Variants in ZMYND8 observed in about 807,000 individuals in gnomAD.
ZMYND8 encodes the protein MYND-type zinc finger-containing chromatin reader ZMYND8.
ZMYND8 carries 37 observed loss-of-function variants against 140.8 expected under a neutral mutation model. That is an observed-to-expected ratio of 0.26 (90% CI 0.20 to 0.35). The LOEUF is 0.35. Ranked by LOEUF, ZMYND8 falls within the 10% of genes least tolerant of loss-of-function variation. The pLI is 1.00. For missense variants in ZMYND8, 1,068 were observed against 1,570.0 expected, an observed-to-expected ratio of 0.68 and a Z score of 5.40; for synonymous variants, 592 against 597.1, an observed-to-expected ratio of 0.99 and a Z score of 0.12.
At chr20:47,301,167 T>C (rs2078017788) in intron 3 of ZMYND8, among the ~76,000 whole-genome samples, 1 of 151,400 alleles carries the variant, frequency 6.6e-6, no homozygotes, top group Non-Finnish European at 1.5e-5. Flanking sequence ...TTTTTTTTTT[T>C]TTTTGAGATG....
Position 47,329,592 on chromosome 20 carries a change from C to CG in ZMYND8, c.85+18263dup, listed in dbSNP as rs907142348. 1.0e-3 allele frequency among the ~76,000 whole-genome samples: 157 copies of CG among 152,150 alleles called. 1 individual carries two copies. The highest frequency in any genetic ancestry group is 3.6e-3 in the African/African-American group (149 of 41,508). ...GCTAATTCTGTATTTTTAGTAGAGGCGGGGTTTCTCCATGTTGGTCAGGCT... is the reference window on the plus strand; with the variant it reads ...GCTAATTCTGTATTTTTAGTAGAGGCGGGGGTTTCTCCATGTTGGTCAGGCT... On this transcript the variant is annotated intron_variant, in intron 2 of 22. Transcript: ENST00000471951.
At chr20:47,250,158 G>C (rs778419569) in intron 12 of ZMYND8, among the ~76,000 whole-genome samples, 99 of 152,154 alleles carry the variant, frequency 6.5e-4, no homozygotes, top group Non-Finnish European at 1.2e-3. Context: ...CCTCTGGGGG[G>C]TGACTCAGGC....
chr20:47,349,241 G>A (rs2082582669), intron 1 of ZMYND8: 1 of 152,314 alleles, frequency 6.6e-6, no homozygotes, highest in Non-Finnish European at 1.5e-5. Flanking sequence ...TAGGGGCTTG[G>A]AGACGAAGAA....
intron 2 of ZMYND8, among the ~76,000 whole-genome samples, chr20:47,326,808 A>G (rs1310755080): frequency 2.6e-5 from 4 of 152,204 alleles, no homozygotes; most frequent in Non-Finnish European, 4.4e-5. Flanking sequence ...TCCTGTCTCC[A>G]TCTAGTTCCC....
intron 2 of ZMYND8, among the ~76,000 whole-genome samples, chr20:47,326,209 C>T (rs1569204703): frequency 1.3e-5 from 2 of 152,220 alleles, no homozygotes; most frequent in Admixed American, 1.3e-4. Flanking sequence ...CCGCCTGCCT[C>T]GGCCTCCCAA....
intron 3 of ZMYND8, among the ~76,000 whole-genome samples, chr20:47,308,473 G>A (rs1440426195): frequency 1.3e-5 from 2 of 151,850 alleles, no homozygotes; most frequent in South Asian, 2.1e-4. Flanking sequence ...CGTTTGCCTC[G>A]GCCTCCCAAA....
chr20:47,316,300 C>T (rs1469313668), intron 2 of ZMYND8, among the ~76,000 whole-genome samples: 1 of 149,626 alleles, frequency 6.7e-6, no homozygotes, highest in Non-Finnish European at 1.5e-5. Context: ...CATTGTACTC[C>T]AGCCTGGGCA....
At chr20:47,232,684 C>T (rs576564726) in intron 16 of ZMYND8, among the ~76,000 whole-genome samples, 1 of 152,242 alleles carries the variant, frequency 6.6e-6, no homozygotes, top group South Asian at 2.1e-4. Flanking sequence ...AAGCAAACAG[C>T]TGGGACTAAA....
chr20:47,343,258 C>T (rs1235580871), intron 2 of ZMYND8, among the ~76,000 whole-genome samples: 2 of 152,210 alleles, frequency 1.3e-5, no homozygotes, highest in African/African-American at 2.4e-5. Flanking sequence ...GCACTCCAGC[C>T]TGGGCAGCAG....
chr20:47,220,114 C>A (rs541679863), intron 21 of ZMYND8, 144 bp downstream of exon 21: 7 of 659,722 alleles, frequency 1.1e-5, no homozygotes, highest in Non-Finnish European at 1.8e-5. Context: ...CTCACCCCCA[C>A]TGACCCACCC....
intron 22 of ZMYND8, 26 bp downstream of exon 22, chr20:47,212,616 C>T: frequency 6.2e-7 from 1 of 1,613,128 alleles, no homozygotes; most frequent in South Asian, 1.1e-5. Context: ...GCCCCGGCAG[C>T]TTTCGTAAGA....
At chr20:47,229,619 AG>A in intron 17 of ZMYND8, 106 bp downstream of exon 17, 1 of 1,050,320 alleles carries the variant, frequency 9.5e-7, no homozygotes, top group South Asian at 1.4e-5. Context: ...TTAGTGACCA[AG>A]CCAGGACCCC....
chr20:47,280,899 C>T (rs1476115901), intron 10 of ZMYND8, among the ~76,000 whole-genome samples: 3 of 152,206 alleles, frequency 2.0e-5, no homozygotes, highest in African/African-American at 4.8e-5. Flanking sequence ...CCTTCCCCTC[C>T]CGACCTCTGC....
intron 7 of ZMYND8, among the ~76,000 whole-genome samples, chr20:47,287,839 C>CAG (rs2077017561): frequency 1.0e-5 from 1 of 97,326 alleles, no homozygotes; most frequent in Non-Finnish European, 1.9e-5. Flanking sequence ...AAAAAAACAA[C>CAG]ACACACACAC....
At chr20:47,223,453 C>T (rs2146963266) in intron 19 of ZMYND8, among the ~76,000 whole-genome samples, 1 of 151,870 alleles carries the variant, frequency 6.6e-6, no homozygotes, top group Admixed American at 6.6e-5. Flanking sequence ...TGCAGTGAGC[C>T]GAGATCGTGT....
chr20:47,238,643 T>G, intron 15 of ZMYND8, 115 bp downstream of exon 15: 1 of 1,506,606 alleles, frequency 6.6e-7, no homozygotes, highest in East Asian at 2.5e-5. Flanking sequence ...CAAGATACAA[T>G]GGCCCGGAAA....
chr20:47,331,829 A>G (rs1255714277), intron 2 of ZMYND8, among the ~76,000 whole-genome samples: 1 of 152,198 alleles, frequency 6.6e-6, no homozygotes, highest in Non-Finnish European at 1.5e-5. Context: ...CAGGAAGCTC[A>G]GTGGGGATGT....
rs1293216673 is a variant in ZMYND8, at chr20:47,249,336, C to T, written c.1725G>A (p.Arg575=). The change falls in exon 13 of 23, where the codon AGG becomes AGA. Residue 575 remains arginine, a synonymous_variant. Transcript: ENST00000471951. ...TGGTCTTGTCAAGATTCAGCTGGAA[C>T]CTGCTACGAATCTGGCGCTTGGGAG... ...LISPKRQIRS[R]FQLNLDKTIE... is the part of the protein sequence containing the mutation. The T allele has an allele frequency of 2.5e-6, 4 of 1,613,940 alleles. No homozygotes were observed. Among genetic ancestry groups the T allele is most frequent in the African/African-American group, 2.7e-5 (2 of 74,900 alleles).
intron 7 of ZMYND8, among the ~76,000 whole-genome samples, chr20:47,289,162 T>C (rs2077103203): frequency 6.6e-6 from 1 of 152,082 alleles, no homozygotes; most frequent in African/African-American, 2.4e-5. Context: ...TGAATAGATG[T>C]TTACAAAAAA....
Sources: allele counts gnomAD v4.1 joint callset (sites outside exome capture counted in the v4.1 genomes callset), GRCh38; gene constraint gnomAD v4.1.1; transcripts MANE v1.5; gene names NCBI Gene and HGNC (gene_info 2026-07-23, HGNC 2026-07-21).